The following CLYBL variants were observed in gnomAD, a reference collection of about 807,000 sequenced individuals.
The protein encoded by CLYBL is citramalyl-CoA lyase, mitochondrial.
A neutral mutation model predicts 38.9 loss-of-function variants in CLYBL; 31 were observed. The observed-to-expected ratio is 0.80, with a 90% CI of 0.60 to 1.08. The LOEUF is 1.08. CLYBL is among the 50% of genes least tolerant of loss of function. The pLI is 0.00. For missense variants in CLYBL, 434 were observed against 411.6 expected (o/e 1.05, Z -0.47); for synonymous variants, 171 against 158.6 (o/e 1.08, Z -0.59).
At chr13:99,616,972 G>GTAA (rs1412137840) in intron 1 of CLYBL, among the ~76,000 whole-genome samples, 4 of 151,342 alleles carry the variant, frequency 2.6e-5, no homozygotes, top group Non-Finnish European at 4.4e-5. Context: ...AATAATAATA[G>GTAA]TAATAATAAT....
At chr13:99,817,554 CT>C (rs2050478769) in intron 2 of CLYBL, among the ~76,000 whole-genome samples, 1 of 149,402 alleles carries the variant, frequency 6.7e-6, no homozygotes, top group Non-Finnish European at 1.5e-5. Context: ...ACTCAGGAGG[CT>C]GAGGCAGGAG....
At chr13:99,851,122 C>CAGCA (rs2051319060) in intron 2 of CLYBL, among the ~76,000 whole-genome samples, 1 of 152,064 alleles carries the variant, frequency 6.6e-6, no homozygotes, top group East Asian at 1.9e-4. Flanking sequence ...CCTATAATCC[C>CAGCA]AGCACTTTGG....
intron 1 of CLYBL, among the ~76,000 whole-genome samples, chr13:99,705,083 A>G (rs2048125851): frequency 1.3e-5 from 2 of 152,228 alleles, no homozygotes; most frequent in African/African-American, 2.4e-5. Context: ...ACTTCCAAGC[A>G]TATACCGAAA....
At chr13:99,675,289 A>G (rs1268749422) in intron 1 of CLYBL, among the ~76,000 whole-genome samples, 2 of 152,138 alleles carry the variant, frequency 1.3e-5, no homozygotes, top group African/African-American at 4.8e-5. Context: ...AGATGTGACT[A>G]TTTCTACCTT....
intron 2 of CLYBL, among the ~76,000 whole-genome samples, chr13:99,819,896 AG>A (rs1465936515): frequency 6.6e-6 from 1 of 152,184 alleles, no homozygotes; most frequent in East Asian, 1.9e-4. Flanking sequence ...ACACCCTCAC[AG>A]GTATACCTAG....
intron 2 of CLYBL, among the ~76,000 whole-genome samples, chr13:99,809,182 C>A (rs1022029358): frequency 2.0e-5 from 3 of 152,104 alleles, no homozygotes; most frequent in Non-Finnish European, 4.4e-5. Context: ...TAATGAATTA[C>A]TATATTTATA....
intron 1 of CLYBL, among the ~76,000 whole-genome samples, chr13:99,630,370 G>A (rs1675850834): frequency 6.6e-6 from 1 of 152,096 alleles, no homozygotes; most frequent in African/African-American, 2.4e-5. Context: ...TGGTGTTCCT[G>A]GAGTTGGAGA....
intron 7 of CLYBL, among the ~76,000 whole-genome samples, chr13:99,876,159 C>T (rs2052035836): frequency 7.0e-6 from 1 of 143,232 alleles, no homozygotes; most frequent in Admixed American, 7.4e-5. Flanking sequence ...CAGTGGTTCA[C>T]ACCTGTAATC....
intron 1 of CLYBL, among the ~76,000 whole-genome samples, chr13:99,764,528 T>A (rs939474420): frequency 6.6e-6 from 1 of 152,154 alleles, no homozygotes; most frequent in Admixed American, 6.6e-5. Flanking sequence ...TGTTGGCATG[T>A]AGTTGTTCAT....
chr13:99,854,516 C>T (rs1246088865), intron 2 of CLYBL, among the ~76,000 whole-genome samples: 1 of 151,754 alleles, frequency 6.6e-6, no homozygotes, highest in Non-Finnish European at 1.5e-5. Flanking sequence ...AGCTTGGTCC[C>T]AAACTATACT....
At chr13:99,769,955 T>C (rs1566319361) in intron 1 of CLYBL, among the ~76,000 whole-genome samples, 1 of 152,248 alleles carries the variant, frequency 6.6e-6, no homozygotes, top group African/African-American at 2.4e-5. Context: ...TGTTAACTAC[T>C]GATGTCCAGG....
chr13:99,814,975 C>T (rs540069969), intron 2 of CLYBL, among the ~76,000 whole-genome samples: 1 of 152,216 alleles, frequency 6.6e-6, no homozygotes, highest in South Asian at 2.1e-4. Flanking sequence ...TGCGGTGAGC[C>T]ATGATCACAC....
chr13:99,863,522 T>C (rs2051662556), intron 4 of CLYBL, among the ~76,000 whole-genome samples: 1 of 152,248 alleles, frequency 6.6e-6, no homozygotes, highest in Non-Finnish European at 1.5e-5. Flanking sequence ...TTATCAGTAA[T>C]GTCTAGCAGA....
chr13:99,711,993 GC>G (rs1262366321), intron 1 of CLYBL, among the ~76,000 whole-genome samples: 1 of 152,200 alleles, frequency 6.6e-6, no homozygotes, highest in Non-Finnish European at 1.5e-5. Context: ...GGGATTACAG[GC>G]GTGAGGGAGT....
At chr13:99,860,315 G>A (rs538231236) in intron 3 of CLYBL, among the ~76,000 whole-genome samples, 1 of 152,180 alleles carries the variant, frequency 6.6e-6, no homozygotes, top group Non-Finnish European at 1.5e-5. Flanking sequence ...TACCCTCAAT[G>A]TAGCTACGAG....
chr13:99,613,036 T>C (rs911826257), intron 1 of CLYBL, among the ~76,000 whole-genome samples: 2 of 102,466 alleles, frequency 2.0e-5, no homozygotes, highest in Non-Finnish European at 3.7e-5. Flanking sequence ...ATAATAATAA[T>C]AATAATAATA....
At chr13:99,853,612 C>G (rs1305645675) in intron 2 of CLYBL, among the ~76,000 whole-genome samples, 1 of 152,134 alleles carries the variant, frequency 6.6e-6, no homozygotes, top group Admixed American at 6.5e-5. Flanking sequence ...TTGAAACATA[C>G]TACCAGGTTG....
chr13:99,774,295 G>GT (rs2049463773), intron 2 of CLYBL, among the ~76,000 whole-genome samples: 1 of 152,106 alleles, frequency 6.6e-6, no homozygotes, highest in Non-Finnish European at 1.5e-5. Flanking sequence ...CTCTTACTGC[G>GT]TGACTGTATA....
intron 1 of CLYBL, among the ~76,000 whole-genome samples, chr13:99,691,928 G>A (rs1048824162): frequency 1.3e-5 from 2 of 152,206 alleles, no homozygotes; most frequent in African/African-American, 4.8e-5. Context: ...GATCTTGAAA[G>A]CCATGTTGCA....
Sources: gnomAD v4.1 joint callset for allele counts (sites outside exome capture counted in the v4.1 genomes callset) on GRCh38, gnomAD v4.1.1 for gene constraint, MANE v1.5 for transcripts, NCBI Gene and HGNC (gene_info 2026-07-23, HGNC 2026-07-21) for gene names.